Variants in PTPRB observed in about 807,000 individuals in gnomAD.
The protein encoded by PTPRB is protein tyrosine phosphatase receptor type B.
PTPRB carries 97 observed loss-of-function variants against 238.1 expected under a neutral mutation model. The observed-to-expected ratio is 0.41, with a 90% confidence interval of 0.35 to 0.48. The LOEUF is 0.48. Among genes scored for constraint, PTPRB ranks in the 20% least tolerant of loss-of-function variants. The pLI is 0.30. For synonymous variants in PTPRB, 970 were observed against 995.4 expected (o/e 0.97, Z 0.48); for missense variants, 2,292 against 2,681.9 (o/e 0.85, Z 3.21).
At chr12:70,629,771 C>A (rs1393010098) in intron 2 of PTPRB, among the ~76,000 whole-genome samples, 1 of 152,076 alleles carries the variant, frequency 6.6e-6, no homozygotes, top group East Asian at 1.9e-4. Context: ...GATATCACCA[C>A]CGATCCCACA....
At chr12:70,596,417 T>A in intron 4 of PTPRB, 90 bp from the exon 5 acceptor site, 1 of 1,241,378 alleles carries the variant, frequency 8.1e-7, no homozygotes, top group South Asian at 2.9e-5. Flanking sequence ...TGCAAATAAC[T>A]GCTTATTTTA....
intron 32 of PTPRB, among the ~76,000 whole-genome samples, chr12:70,525,775 T>C (rs1872340542): frequency 6.6e-6 from 1 of 151,994 alleles, no homozygotes; most frequent in Non-Finnish European, 1.5e-5. Context: ...TCAGAGGGAG[T>C]TGTGAGCAGT....
chr12:70,611,163 A>G (rs1475123058), intron 3 of PTPRB, among the ~76,000 whole-genome samples: 2 of 152,228 alleles, frequency 1.3e-5, no homozygotes, highest in East Asian at 3.8e-4. Context: ...AGGATGGCAT[A>G]TTCCTTTCTT....
chr12:70,566,722 G>A lies in PTPRB; in HGVS notation c.3635-18C>T. ...TGCTGGAACTGCAGAGAGACAAGTG[G>A]AGCAACAAAATACAGATTTTATCAC... is the stretch of plus-strand genomic sequence containing the variant. On this transcript the variant is annotated intron_variant, in intron 14 of 33. Coordinates refer to ENST00000334414, the MANE Select transcript of PTPRB (RefSeq NM_001109754.4). 1.2e-6 allele frequency: 2 copies of A among 1,606,318 alleles called. No homozygotes were observed.
intron 32 of PTPRB, among the ~76,000 whole-genome samples, chr12:70,530,658 AAC>A (rs1450897232): frequency 1.3e-5 from 2 of 152,254 alleles, no homozygotes; most frequent in Non-Finnish European, 2.9e-5. Context: ...ATGGGAAAAG[AAC>A]ACAGAATACT....
chr12:70,573,052 ATAAT>A (rs1880273242), intron 11 of PTPRB, among the ~76,000 whole-genome samples: 1 of 152,160 alleles, frequency 6.6e-6, no homozygotes, highest in Non-Finnish European at 1.5e-5. Flanking sequence ...TATAATAGTT[ATAAT>A]TAATTCCTTA....
intron 16 of PTPRB, 85 bp downstream of exon 16, chr12:70,562,759 G>C: frequency 6.7e-7 from 1 of 1,490,288 alleles, no homozygotes; most frequent in Non-Finnish European, 9.1e-7. Flanking sequence ...GAATAGAATA[G>C]GAAACTAAGG....
At chr12:70,604,579 G>T (rs1313971194) in intron 4 of PTPRB, among the ~76,000 whole-genome samples, 26 of 152,170 alleles carry the variant, frequency 1.7e-4, no homozygotes, top group Non-Finnish European at 3.5e-4. Flanking sequence ...GTAACCTACA[G>T]ATATTAAGAA....
intron 4 of PTPRB, among the ~76,000 whole-genome samples, chr12:70,607,845 C>G (rs1358502258): frequency 6.6e-6 from 1 of 151,974 alleles, no homozygotes; most frequent in African/African-American, 2.4e-5. Flanking sequence ...GCCACTGCGC[C>G]CAGTCAGAGA....
At chr12:70,555,033 G>A in intron 20 of PTPRB, 127 bp downstream of exon 20, 2 of 1,062,212 alleles carry the variant, frequency 1.9e-6, no homozygotes, top group Non-Finnish European at 1.4e-6. Context: ...GCAGAGAGAG[G>A]GGTGAATGAT....
At chr12:70,535,453 T>A (rs1592409270) in intron 29 of PTPRB, among the ~76,000 whole-genome samples, 1 of 152,208 alleles carries the variant, frequency 6.6e-6, no homozygotes, top group African/African-American at 2.4e-5. Flanking sequence ...AGCTCGCCTT[T>A]ACATGTATAC....
At chr12:70,615,926 T>A (rs1246226489) in intron 3 of PTPRB, among the ~76,000 whole-genome samples, 2 of 152,188 alleles carry the variant, frequency 1.3e-5, no homozygotes, top group Non-Finnish European at 2.9e-5. Context: ...AAGTGTGCAA[T>A]CTCAATAAAG....
At chr12:70,559,046 C>T (rs920385170) in intron 18 of PTPRB, 2 of 509,034 alleles carry the variant, frequency 3.9e-6, no homozygotes, top group Non-Finnish European at 6.9e-6. Flanking sequence ...GTCAGATTAC[C>T]TAACAAGTGT....
At chr12:70,552,483 C>A (rs368480487) in intron 21 of PTPRB, among the ~76,000 whole-genome samples, 354 of 122,206 alleles carry the variant, frequency 2.9e-3, no homozygotes, top group Middle Eastern at 4.2e-3. Flanking sequence ...GACTCTGTCT[C>A]AAAAAAAAAA....
intron 33 of PTPRB, among the ~76,000 whole-genome samples, chr12:70,523,370 A>C (rs1871895555): frequency 6.6e-6 from 1 of 152,124 alleles, no homozygotes; most frequent in Admixed American, 6.6e-5. Flanking sequence ...CAGGCTTGTC[A>C]AACTTTTAGC....
At chr12:70,557,905 G>A (rs1877940640) in intron 18 of PTPRB, among the ~76,000 whole-genome samples, 1 of 152,196 alleles carries the variant, frequency 6.6e-6, no homozygotes, top group Non-Finnish European at 1.5e-5. Flanking sequence ...CGAGAGGGGT[G>A]CACTTAGCCA....
At chr12:70,599,976 GTTT>G (rs11471163) in intron 4 of PTPRB, among the ~76,000 whole-genome samples, 22 of 137,984 alleles carry the variant, frequency 1.6e-4, no homozygotes, top group Non-Finnish European at 3.0e-4. Context: ...GAAAGACCCT[GTTT>G]TTTTTTTTTT....
At chr12:70,566,813 C>T in intron 14 of PTPRB, 109 bp from the exon 15 acceptor site, 1 of 1,215,982 alleles carries the variant, frequency 8.2e-7, no homozygotes, top group East Asian at 2.3e-5. Flanking sequence ...GATGCATTTG[C>T]TTTATTTGTG....
chr12:70,549,758 C>A (rs140887730), intron 21 of PTPRB, among the ~76,000 whole-genome samples: 42 of 152,290 alleles, frequency 2.8e-4, no homozygotes, highest in African/African-American at 1.0e-3. Flanking sequence ...GAGACGACAC[C>A]TCCTCTCATC....
Sources: allele counts gnomAD v4.1 joint callset (sites outside exome capture counted in the v4.1 genomes callset), GRCh38; gene constraint gnomAD v4.1.1; transcripts MANE v1.5; gene names NCBI Gene and HGNC (gene_info 2026-07-23, HGNC 2026-07-21).